ROBO1: variants seen among roughly 807,000 people sequenced by gnomAD.
The protein encoded by ROBO1 is roundabout homolog 1.
In ROBO1, 149 loss-of-function variants were observed where a neutral mutation model predicts 195.9. The observed-to-expected ratio is 0.76, with a 90% CI of 0.67 to 0.87. The LOEUF is 0.87. Among genes scored for constraint, ROBO1 ranks in the 40% least tolerant of loss-of-function variants. ROBO1 has a pLI of 0.00. For synonymous variants in ROBO1, 816 were observed against 733.2 expected (o/e 1.11, Z -1.82); for missense variants, 1,933 against 2,068.3 (o/e 0.93, Z 1.27).
chr3:79,034,219 G>A (rs1323664297), intron 3 of ROBO1, among the ~76,000 whole-genome samples: 1 of 152,074 alleles, frequency 6.6e-6, no homozygotes, highest in Non-Finnish European at 1.5e-5. Flanking sequence ...CAATTCACAA[G>A]TGAGGTTTAA....
chr3:78,950,471 C>G (rs541124406), intron 3 of ROBO1, among the ~76,000 whole-genome samples: 4 of 127,162 alleles, frequency 3.1e-5, no homozygotes, highest in African/African-American at 1.2e-4. Flanking sequence ...CGAGAACACA[C>G]GGACACAGGA....
intron 4 of ROBO1, among the ~76,000 whole-genome samples, chr3:78,803,236 T>C (rs1002099437): frequency 6.6e-6 from 1 of 152,172 alleles, no homozygotes; most frequent in Non-Finnish European, 1.5e-5. Context: ...CTCTTTCTCT[T>C]CCTCATAGGG....
intron 2 of ROBO1, among the ~76,000 whole-genome samples, chr3:79,301,630 A>G (rs2032962429): frequency 6.6e-6 from 1 of 152,204 alleles, no homozygotes; most frequent in South Asian, 2.1e-4. Flanking sequence ...AATAGATGGA[A>G]ACTTCTAATA....
chr3:78,964,445 T>A (rs2041570022), intron 3 of ROBO1, among the ~76,000 whole-genome samples: 1 of 152,034 alleles, frequency 6.6e-6, no homozygotes, highest in South Asian at 2.1e-4. Flanking sequence ...TAAAGACTAG[T>A]GAAAATAGGA....
In ROBO1 at chr3:78,635,825, T is replaced by C; in HGVS notation, c.3321A>G (p.Gln1107=). 6.2e-7 allele frequency: 1 copy of C among 1,613,832 alleles called. No homozygotes were observed. Among genetic ancestry groups the C allele is most frequent in the Non-Finnish European group, 8.5e-7 (1 of 1,179,790 alleles). ...TGTTGTACTGAACTGGTGCCACTTC[T>C]TGTTTCTGCTGTCCCAGTGGTTTCC... ...KHWKPLGQQK[Q]EVAPVQYNIV... is the part of the protein sequence containing the mutation. The change falls in exon 23 of 31, where the codon CAA becomes CAG. Residue 1107 remains glutamine, a synonymous_variant. Coordinates refer to ENST00000464233, the MANE Select transcript of ROBO1 (RefSeq NM_002941.4).
chr3:79,274,917 T>C (rs1449817052), intron 2 of ROBO1, among the ~76,000 whole-genome samples: 1 of 151,946 alleles, frequency 6.6e-6, no homozygotes, highest in Non-Finnish European at 1.5e-5. Context: ...ACATACAACC[T>C]ACCAAGATTG....
Position 79,042,258 on chromosome 3 carries a change from T to C in ROBO1, c.172+83198A>G, listed in dbSNP as rs1041452141. Among the ~76,000 whole-genome samples, 5 of 152,156 alleles carry C rather than the reference T, an allele frequency of 3.3e-5. No individual in the cohort carries two copies. The South Asian group carries it at 1.0e-3, about 32-fold the overall frequency. On this transcript the variant is annotated intron_variant, in intron 3 of 30. Transcript: ENST00000464233. ...TATTCTGGGTACTAGTCTACACATA[T>C]ACATACATACACACACACATATGTA...
At chr3:79,124,246 A>C (rs2080173293) in intron 3 of ROBO1, among the ~76,000 whole-genome samples, 2 of 152,068 alleles carry the variant, frequency 1.3e-5, no homozygotes, top group African/African-American at 4.8e-5. Context: ...TTGAATCCTC[A>C]TTCTTATGTT....
chr3:79,370,180 C>T (rs1357701618), intron 2 of ROBO1, among the ~76,000 whole-genome samples: 2 of 150,980 alleles, frequency 1.3e-5, no homozygotes, highest in Admixed American at 6.6e-5. Flanking sequence ...CATGGTGAAA[C>T]CTCGTCTCTA....
intron 2 of ROBO1, among the ~76,000 whole-genome samples, chr3:79,268,939 T>A (rs2030257185): frequency 2.6e-5 from 4 of 151,752 alleles, no homozygotes; most frequent in Admixed American, 6.6e-5. Context: ...AAATATTTCA[T>A]AATAAGTACA....
intron 5 of ROBO1, among the ~76,000 whole-genome samples, chr3:78,718,828 G>GC (rs2081968553): frequency 1.3e-5 from 1 of 79,514 alleles, no homozygotes; most frequent in Admixed American, 1.2e-4. Context: ...GAGAGGGAGA[G>GC]AGGGAGAGAG....
At chr3:79,651,228 AAGG>A (rs1386538145) in intron 1 of ROBO1, among the ~76,000 whole-genome samples, 1 of 152,096 alleles carries the variant, frequency 6.6e-6, no homozygotes, top group East Asian at 1.9e-4. Context: ...AGGGAATCAC[AAGG>A]AGGAGTTTGT....
chr3:79,117,185 C>T (rs974995321), intron 3 of ROBO1, among the ~76,000 whole-genome samples: 2 of 151,534 alleles, frequency 1.3e-5, no homozygotes, highest in African/African-American at 2.4e-5. Context: ...CTGGGCAAAA[C>T]GGTGAAACCC....
At chr3:79,018,198 G>A (rs1167866269) in intron 3 of ROBO1, among the ~76,000 whole-genome samples, 2 of 152,204 alleles carry the variant, frequency 1.3e-5, no homozygotes, top group Non-Finnish European at 2.9e-5. Context: ...GGAGGTTCAG[G>A]GGTGGAGGGG....
At position 79,677,666 on chromosome 3, in the gene ROBO1, C is replaced by G. The variant is rs563890209; in HGVS notation, c.-50-87705G>C. ...GCGAAACCATATCAGCATGCAACTG[C>G]AAGTGGTCTCTGTGGCTGGCCTGTA... On this transcript the variant is annotated intron_variant, in intron 1 of 30. Transcript: ENST00000464233. Among the ~76,000 whole-genome samples the G allele has an allele frequency of 4.6e-5, 7 of 152,172 alleles. No individual in the cohort carries two copies. In the South Asian group the frequency reaches 1.2e-3, roughly 27 times the overall value.
At chr3:79,089,647 C>T (rs1269464250) in intron 3 of ROBO1, among the ~76,000 whole-genome samples, 2 of 152,142 alleles carry the variant, frequency 1.3e-5, no homozygotes, top group Non-Finnish European at 2.9e-5. Flanking sequence ...TACATACTCT[C>T]ACTAACAGTT....
chr3:78,871,008 G>C (rs1188561039), intron 4 of ROBO1, among the ~76,000 whole-genome samples: 1 of 152,126 alleles, frequency 6.6e-6, no homozygotes, highest in Non-Finnish European at 1.5e-5. Context: ...GTCTATTCCT[G>C]GAATATAGAA....
At chr3:79,271,942 T>C (rs944915476) in intron 2 of ROBO1, among the ~76,000 whole-genome samples, 2 of 152,100 alleles carry the variant, frequency 1.3e-5, no homozygotes, top group Non-Finnish European at 2.9e-5. Flanking sequence ...TGAATAAAAC[T>C]GGTGACATGG....
intron 3 of ROBO1, among the ~76,000 whole-genome samples, chr3:78,990,623 C>A (rs2077215752): frequency 6.6e-6 from 1 of 152,144 alleles, no homozygotes; most frequent in Admixed American, 6.5e-5. Flanking sequence ...TCTTTCAAAT[C>A]TACGTTTAGT....
Sources: allele counts gnomAD v4.1 joint callset (sites outside exome capture counted in the v4.1 genomes callset), GRCh38; gene constraint gnomAD v4.1.1; transcripts MANE v1.5; gene names NCBI Gene and HGNC (gene_info 2026-07-23, HGNC 2026-07-21).